TC2N: variants seen among roughly 807,000 people sequenced by gnomAD.
TC2N encodes the protein tandem C2 domains nuclear protein.
Under a neutral mutation model 61.9 loss-of-function variants are expected in TC2N, and 51 were observed. The ratio of observed to expected loss-of-function variants is 0.82; its 90% CI spans 0.66 to 1.04. The LOEUF is 1.04. Among genes scored for constraint, TC2N ranks in the 50% least tolerant of loss-of-function variants. The probability of loss-of-function intolerance (pLI) is 0.00; values close to 1 mark genes in which losing one functional copy is unlikely to be tolerated. For synonymous variants in TC2N, 204 were observed against 192.6 expected (o/e 1.06, Z -0.49); for missense variants, 556 against 566.7 (o/e 0.98, Z 0.19).
rs199529675 is a variant in TC2N, at chr14:91,792,444, A to G, written c.970T>C (p.Cys324Arg). 7.0e-5 allele frequency: 113 copies of G among 1,611,152 alleles called. No individual in the cohort carries two copies. The highest frequency in any genetic ancestry group is 9.2e-5 in the Non-Finnish European group (108 of 1,178,180). Residue 324 changes from cysteine to arginine, a missense_variant, in exon 9 of 12, where the codon TGC becomes CGC. Cys to Arg is a radical substitution (Grantham distance 180). Transcript: ENST00000435962. The stretch of plus-strand genomic sequence containing the variant: ...CTAAGGGTTCTGAGTGACATTGAGC[A>G]TTCTCCAATGGTTTTCTTCCTGGGA... ...QTPRKKTIGE[C>R]SMSLRTLSTQ...
chr14:91,834,525 G>A (rs1456410233), intron 1 of TC2N, among the ~76,000 whole-genome samples: 1 of 150,956 alleles, frequency 6.6e-6, no homozygotes, highest in Non-Finnish European at 1.5e-5. Context: ...TCTAACCTTT[G>A]TTTCTCAAAA....
rs1195931820 is a variant in TC2N at position 91,782,202 on chromosome 14, GA to G, written c.*897del. The G allele has an allele frequency of 1.3e-5, 2 of 151,746 alleles. No individual in the cohort carries two copies. The highest frequency in any genetic ancestry group is 6.6e-5 in the Admixed American group (1 of 15,248). The allele number at this position is 151,746 out of a possible 1,614,324, so 9.4% of individuals were successfully genotyped here. A position where few individuals can be genotyped will look rare whatever the true frequency, so the allele number is the denominator to read the frequency against. On this transcript the variant is annotated 3_prime_UTR_variant, in exon 12 of 12. Coordinates refer to ENST00000435962, the MANE Select transcript of TC2N (RefSeq NM_001128596.3). The stretch of plus-strand genomic sequence containing the variant: ...ACACAGTATAATCAGGTATGGTTAT[GA>G]AAAAAATGAGAAAATACTCAAACAC...
chr14:91,862,122 G>A (rs1488951002), intron 1 of TC2N, among the ~76,000 whole-genome samples: 1 of 151,778 alleles, frequency 6.6e-6, no homozygotes, highest in East Asian at 1.9e-4. Flanking sequence ...CAGATCACTT[G>A]AGCTCAGGAG....
Position 91,800,344 on chromosome 14 carries a change from G to C in TC2N, c.498C>G (p.Pro166=), listed in dbSNP as rs760754765. 9 of 1,602,546 alleles carry C rather than the reference G, an allele frequency of 5.6e-6. No individual in the cohort carries two copies. Among genetic ancestry groups the C allele is most frequent in the Admixed American group, 5.1e-5 (3 of 58,938 alleles). The change falls in exon 5 of 12, where the codon CCC becomes CCG. Residue 166 remains proline (P), a synonymous_variant. Transcript: ENST00000435962. ...SVCDLRTNKL[P]GSPGLSKSMF... is the part of the protein sequence containing the mutation. ...TAGATTTGCTTAGCCCAGGGGAACC[G>C]GGAAGTTTGTTCGTCCTTAAATCAC...
chr14:91,813,291 A>G (rs536721310), intron 2 of TC2N, among the ~76,000 whole-genome samples: 3 of 151,870 alleles, frequency 2.0e-5, no homozygotes, highest in South Asian at 4.1e-4. Flanking sequence ...TGTTATACAC[A>G]TATTGTAGAT....
chr14:91,845,066 G>A (rs7155254), intron 1 of TC2N, among the ~76,000 whole-genome samples: 6,461 of 151,690 alleles, frequency 0.043, 364 homozygotes, highest in African/African-American at 0.13. Context: ...GCGAAACCCC[G>A]TCTCCACAAA....
intron 9 of TC2N, among the ~76,000 whole-genome samples, chr14:91,792,013 G>C (rs959312466): frequency 4.6e-5 from 7 of 152,068 alleles, no homozygotes; most frequent in Non-Finnish European, 5.9e-5. Flanking sequence ...CAGCTACTCG[G>C]GAGGCTCAGG....
rs1885197059 is a variant in TC2N, at chr14:91,783,036, A to G, written c.*64T>C. 9.4e-7 allele frequency: 1 copy of G among 1,066,762 alleles called. No individual in the cohort carries two copies. Among genetic ancestry groups the G allele is most frequent in the African/African-American group, 1.6e-5 (1 of 63,704 alleles). 66.1% of individuals were successfully genotyped at this position (1,066,762 alleles called of 1,614,324 possible). On this transcript the variant is annotated 3_prime_UTR_variant, in exon 12 of 12. Transcript: ENST00000435962. ...TGATTTGCCTCTTCTCATTGGTAGC[A>G]AATTGAAATCATAAGTCTTCTAAAA...
intron 3 of TC2N, among the ~76,000 whole-genome samples, chr14:91,806,445 A>G (rs544139335): frequency 2.0e-5 from 3 of 152,338 alleles, no homozygotes; most frequent in Non-Finnish European, 4.4e-5. Flanking sequence ...CAAAATGCTG[A>G]TAATGACATA....
intron 1 of TC2N, among the ~76,000 whole-genome samples, chr14:91,858,322 C>G (rs897779148): frequency 5.3e-5 from 8 of 151,986 alleles, no homozygotes; most frequent in Non-Finnish European, 1.0e-4. Context: ...TGAGTAAATA[C>G]AGGATTCAGG....
intron 1 of TC2N, among the ~76,000 whole-genome samples, chr14:91,843,040 G>A (rs974369282): frequency 2.6e-5 from 4 of 152,010 alleles, no homozygotes; most frequent in African/African-American, 9.7e-5. Context: ...CTGCACTTAG[G>A]CCTTAAGAGA....
intron 1 of TC2N, among the ~76,000 whole-genome samples, chr14:91,859,327 A>G (rs1225103196): frequency 6.6e-6 from 1 of 152,138 alleles, no homozygotes; most frequent in Non-Finnish European, 1.5e-5. Flanking sequence ...GTAAGTTTAA[A>G]ATGACATTCA....
intron 1 of TC2N, among the ~76,000 whole-genome samples, chr14:91,827,539 T>A (rs1299997583): frequency 2.0e-5 from 3 of 152,140 alleles, no homozygotes; most frequent in Non-Finnish European, 4.4e-5. Context: ...TCTCCTACAA[T>A]CTCTCTTTCA....
chr14:91,865,369 GTTTT>G (rs34451913), intron 1 of TC2N, among the ~76,000 whole-genome samples: 1 of 128,416 alleles, frequency 7.8e-6, no homozygotes, highest in Admixed American at 7.9e-5. Context: ...GAGCCTCTTG[GTTTT>G]TTTTTTTTTT....
chr14:91,849,647 A>G (rs775799168), intron 1 of TC2N, among the ~76,000 whole-genome samples: 4 of 152,232 alleles, frequency 2.6e-5, no homozygotes, highest in Non-Finnish European at 5.9e-5. Flanking sequence ...GTGTCCCTCT[A>G]AGATTCTTTG....
At chr14:91,797,733 A>T (rs1297504394) in intron 8 of TC2N, 52 bp downstream of exon 8, 1 of 1,043,368 alleles carries the variant, frequency 9.6e-7, no homozygotes, top group African/African-American at 2.3e-5. Flanking sequence ...AAAGTGACAA[A>T]TATAAAAAAA....
chr14:91,816,615 G>A (rs991190165), intron 1 of TC2N, among the ~76,000 whole-genome samples: 5 of 151,790 alleles, frequency 3.3e-5, no homozygotes, highest in Non-Finnish European at 7.4e-5. Context: ...AAGTGTGTGT[G>A]TTATACAAAT....
intron 1 of TC2N, among the ~76,000 whole-genome samples, chr14:91,848,174 AAATTGAGACC>A (rs1297565351): frequency 6.6e-6 from 1 of 152,248 alleles, no homozygotes; most frequent in African/African-American, 2.4e-5. Context: ...CCTATCCCTT[AAATTGAGACC>A]AATTTCCCAA....
chr14:91,802,481 G>T, intron 3 of TC2N, 60 bp from the exon 4 acceptor site: 2 of 1,512,824 alleles, frequency 1.3e-6, no homozygotes, highest in Non-Finnish European at 1.8e-6. Context: ...TTAGCCAACA[G>T]CTGGTACACC....
Sources: allele counts gnomAD v4.1 joint callset (sites outside exome capture counted in the v4.1 genomes callset), GRCh38; gene constraint gnomAD v4.1.1; transcripts MANE v1.5; gene names NCBI Gene and HGNC (gene_info 2026-07-23, HGNC 2026-07-21).